RGS6: variants seen among roughly 807,000 people sequenced by gnomAD.
RGS6 encodes regulator of G-protein signaling 6.
A neutral mutation model predicts 78.5 loss-of-function variants in RGS6; 30 were observed. That is an observed-to-expected ratio of 0.38 (90% CI 0.29 to 0.52). The LOEUF is 0.52. Ranked by LOEUF, RGS6 falls within the 20% of genes least tolerant of loss-of-function variation. The probability of loss-of-function intolerance (pLI) is 0.85; values close to 1 mark genes in which losing one functional copy is unlikely to be tolerated. For missense variants in RGS6, 495 were observed against 609.7 expected, an observed-to-expected ratio of 0.81 and a Z score of 1.98; for synonymous variants, 206 against 206.0, an observed-to-expected ratio of 1.00 and a Z score of 0.00.
At chr14:72,423,664 C>G (rs1053766998) in intron 3 of RGS6, among the ~76,000 whole-genome samples, 2 of 133,730 alleles carry the variant, frequency 1.5e-5, no homozygotes, top group Non-Finnish European at 3.1e-5. Flanking sequence ...ACACTGAAGA[C>G]TACTAGAGGG....
chr14:72,546,169 C>T (rs2097398838), intron 17 of RGS6, among the ~76,000 whole-genome samples: 1 of 152,210 alleles, frequency 6.6e-6, no homozygotes. Context: ...CAGTGTTATC[C>T]TGTTTACAAT....
chr14:72,600,003 C>T, the RGS6 span, among the ~76,000 whole-genome samples: 1 of 152,132 alleles, frequency 6.6e-6, no homozygotes, highest in Non-Finnish European at 1.5e-5. Flanking sequence ...GAGGGAGGGC[C>T]TGCCCCTCCG....
chr14:72,476,756 G>T lies in RGS6; in HGVS notation c.708G>T (p.Val236=). 1 of 1,614,132 alleles carries T rather than the reference G, an allele frequency of 6.2e-7. No homozygotes were observed. The highest frequency in any genetic ancestry group is 8.5e-7 in the Non-Finnish European group (1 of 1,180,014). ...TCTTCTCCTAGTCCGTGTATGGCGT[G>T]ACTGAAGAGTCCCAGGCACAGAGCC... The part of the protein sequence containing the change: ...PQKVKKSVYG[V]TEESQAQSPV... The change falls in exon 11 of 18, where the codon GTG becomes GTT. Residue 236 remains valine, a synonymous_variant. Coordinates refer to ENST00000553525, the MANE Select transcript of RGS6 (RefSeq NM_001204424.2).
the RGS6 span, among the ~76,000 whole-genome samples, chr14:71,885,876 A>ATTCT: frequency 1.3e-5 from 2 of 151,110 alleles, no homozygotes; most frequent in Admixed American, 1.3e-4. Flanking sequence ...GTGAGATAAA[A>ATTCT]TTCTTTCTTT....
intron 2 of RGS6, among the ~76,000 whole-genome samples, chr14:71,965,973 A>G (rs1239671617): frequency 6.6e-6 from 1 of 152,226 alleles, no homozygotes; most frequent in Non-Finnish European, 1.5e-5. Flanking sequence ...CATTGGTGCT[A>G]TTAATTCAAA....
chr14:71,985,746 T>A (rs1203002297), intron 2 of RGS6, among the ~76,000 whole-genome samples: 1 of 152,180 alleles, frequency 6.6e-6, no homozygotes, highest in East Asian at 1.9e-4. Flanking sequence ...TGCAACACCA[T>A]CCTTATCCTG....
intron 15 of RGS6, among the ~76,000 whole-genome samples, chr14:72,523,973 C>G (rs2097087788): frequency 6.6e-6 from 1 of 152,128 alleles, no homozygotes. Context: ...CCTTAGTTTC[C>G]TCATCTGGGT....
chr14:72,319,559 T>C (rs937668339), intron 2 of RGS6, among the ~76,000 whole-genome samples: 3 of 152,046 alleles, frequency 2.0e-5, no homozygotes, highest in Non-Finnish European at 2.9e-5. Context: ...TTTACTATGG[T>C]CTCGATCTCC....
chr14:72,036,836 T>G (rs1227295628), intron 2 of RGS6, among the ~76,000 whole-genome samples: 1 of 152,184 alleles, frequency 6.6e-6, no homozygotes, highest in African/African-American at 2.4e-5. Flanking sequence ...ATGGTGTGAT[T>G]TATTTTTTCT....
chr14:72,554,000 G>C (rs1353425078), intron 17 of RGS6, among the ~76,000 whole-genome samples: 1 of 152,186 alleles, frequency 6.6e-6, no homozygotes, highest in Admixed American at 6.5e-5. Flanking sequence ...TTTCTGTCCA[G>C]GTATCTCCTG....
chr14:72,145,588 T>G (rs892866817), intron 2 of RGS6, among the ~76,000 whole-genome samples: 3 of 152,140 alleles, frequency 2.0e-5, no homozygotes, highest in Non-Finnish European at 4.4e-5. Context: ...AAGCGATTCT[T>G]GTGTCTCAGC....
chr14:72,539,193 TG>T, intron 16 of RGS6, among the ~76,000 whole-genome samples: 1 of 152,308 alleles, frequency 6.6e-6, no homozygotes, highest in Middle Eastern at 3.4e-3. Context: ...AGGCTAGGCC[TG>T]GAAAGACATT....
the RGS6 span, among the ~76,000 whole-genome samples, chr14:71,882,634 T>C: frequency 1.3e-5 from 2 of 152,232 alleles, no homozygotes; most frequent in South Asian, 2.1e-4. Context: ...GTTGCGTTCA[T>C]GACTGATAGC....
intron 2 of RGS6, among the ~76,000 whole-genome samples, chr14:72,004,238 T>C (rs1400438987): frequency 6.6e-6 from 1 of 152,206 alleles, no homozygotes; most frequent in Non-Finnish European, 1.5e-5. Flanking sequence ...ACTGACGTTG[T>C]AGTTCTTATT....
At chr14:71,920,635 G>GCACACA in the RGS6 span, among the ~76,000 whole-genome samples, 9,283 of 151,804 alleles carry the variant, frequency 0.061, 375 homozygotes, top group Non-Finnish European at 0.091. Context: ...ACACGCGCGT[G>GCACACA]CACACACACA....
intron 2 of RGS6, among the ~76,000 whole-genome samples, chr14:72,329,468 C>T (rs982780294): frequency 5.3e-5 from 8 of 152,370 alleles, no homozygotes; most frequent in Non-Finnish European, 8.8e-5. Context: ...CAGAGGCAGG[C>T]GGCCTGGTGG....
intron 3 of RGS6, among the ~76,000 whole-genome samples, chr14:72,361,860 C>CTG (rs2081525069): frequency 6.6e-6 from 1 of 152,020 alleles, no homozygotes; most frequent in Non-Finnish European, 1.5e-5. Context: ...TGAAGGTGAT[C>CTG]TGAAAGCAGC....
intron 2 of RGS6, among the ~76,000 whole-genome samples, chr14:71,982,969 T>C (rs1324468235): frequency 6.6e-6 from 1 of 152,190 alleles, no homozygotes; most frequent in Non-Finnish European, 1.5e-5. Flanking sequence ...CTTAAAATGT[T>C]TTAGAAAAGA....
intron 3 of RGS6, among the ~76,000 whole-genome samples, chr14:72,404,639 G>A (rs1012795778): frequency 6.6e-6 from 1 of 152,208 alleles, no homozygotes; most frequent in Non-Finnish European, 1.5e-5. Context: ...TTCAACTGAT[G>A]AACCAAATTA....
Sources: allele counts gnomAD v4.1 joint callset (sites outside exome capture counted in the v4.1 genomes callset), GRCh38; gene constraint gnomAD v4.1.1; transcripts MANE v1.5; gene names NCBI Gene and HGNC (gene_info 2026-07-23, HGNC 2026-07-21).